The following ANGEL2 variants were observed in gnomAD, a reference collection of about 807,000 sequenced individuals.
ANGEL2 encodes the protein angel homolog 2, also known as RNA 2',3'-cyclic phosphatase ANGEL2.
Under a neutral mutation model 66.0 loss-of-function variants are expected in ANGEL2, and 41 were observed. The observed-to-expected ratio is 0.62, with a 90% CI of 0.48 to 0.81. ANGEL2 has a LOEUF of 0.81. Ranked by LOEUF, ANGEL2 falls within the 30% of genes least tolerant of loss-of-function variation. ANGEL2 has a pLI of 0.00. For synonymous variants in ANGEL2, 208 were observed against 226.5 expected (o/e 0.92, Z 0.73); for missense variants, 561 against 641.6 (o/e 0.87, Z 1.36).
chr1:213,013,276 A>G lies in ANGEL2; in HGVS notation c.202T>C (p.Tyr68His). The G allele has an allele frequency of 1.2e-6, 2 of 1,612,404 alleles. No homozygotes were observed. The highest frequency in any genetic ancestry group is 1.1e-5 in the South Asian group (1 of 91,078). ...AGTGAAAAATGCCTACTACTGAAGT[A>G]TGGGTAAGGAGCTCGAGAGTAATGT... is the stretch of plus-strand genomic sequence containing the variant. ...PGHYSRAPYP[Y>H]FSSRHFSLNW... is the part of the protein sequence containing the mutation. The change falls in exon 2 of 9, where the codon TAC becomes CAC. Residue 68 changes from tyrosine to histidine, a missense_variant. Tyr to His is a moderately conservative substitution (Grantham distance 83, BLOSUM62 2). Coordinates refer to ENST00000366962, the MANE Select transcript of ANGEL2 (RefSeq NM_144567.5).
chr1:213,011,226 C>A (rs944040742), intron 2 of ANGEL2: 1 of 1,289,168 alleles, frequency 7.8e-7, no homozygotes, highest in African/African-American at 1.5e-5. Context: ...TCAGGAGGAA[C>A]AAGGTGATCA....
In ANGEL2 at chr1:212,994,964, T is replaced by C; in HGVS notation, c.*77A>G. On this transcript the variant is annotated 3_prime_UTR_variant, in exon 9 of 9. Transcript: ENST00000366962. ...CTCCACAGTGCAAAAATAAACAACA[T>C]GCATACACTTAAGAACTTTACATTC... The C allele has an allele frequency of 7.4e-7, 1 of 1,353,726 alleles. No individual in the cohort carries two copies. Among genetic ancestry groups the C allele is most frequent in the Non-Finnish European group, 9.8e-7 (1 of 1,022,528 alleles). The allele number at this position is 1,353,726 out of a possible 1,614,324, so 83.9% of individuals were successfully genotyped here.
chr1:212,995,511 T>C (rs1275073391), intron 8 of ANGEL2, among the ~76,000 whole-genome samples: 1 of 152,220 alleles, frequency 6.6e-6, no homozygotes, highest in East Asian at 1.9e-4. Flanking sequence ...CAGCAACCAT[T>C]CTGTAGTTGC....
At chr1:213,013,002 AC>A (rs1457541396) in intron 2 of ANGEL2, 90 bp downstream of exon 2, 4 of 1,331,880 alleles carry the variant, frequency 3.0e-6, no homozygotes. Flanking sequence ...CACCTCTAAA[AC>A]CTTAGGAGGT....
At position 213,013,390 on chromosome 1, in the gene ANGEL2, T is replaced by C; in HGVS notation, c.88A>G (p.Ser30Gly). The C allele has an allele frequency of 1.2e-6, 2 of 1,613,694 alleles. No homozygotes were observed. The highest frequency in any genetic ancestry group is 1.7e-6 in the Non-Finnish European group (2 of 1,179,766). Reference sequence around the variant, plus strand: ...GGTGTAGTCCAGTCTCTGCCCAGACTCCTCGAGTGATGGGGAAACATGGGG... The same window carrying C: ...GGTGTAGTCCAGTCTCTGCCCAGACCCCTCGAGTGATGGGGAAACATGGGG... ...RYPMFPHHSR[S>G]LGRDWTTPWE... Residue 30 changes from serine to glycine, a missense_variant, in exon 2 of 9, where the codon AGT (serine) becomes GGT (glycine). Ser to Gly is a moderately conservative substitution (Grantham distance 56). Coordinates refer to ENST00000366962, the MANE Select transcript of ANGEL2 (RefSeq NM_144567.5).
intron 5 of ANGEL2, chr1:213,001,418 A>G (rs572366530): frequency 6.5e-6 from 1 of 153,452 alleles, no homozygotes; most frequent in East Asian, 1.9e-4. Context: ...TAATTTAAAA[A>G]TACTTCATTG....
chr1:213,014,424 TAAGTA>T (rs2076585635), intron 1 of ANGEL2, among the ~76,000 whole-genome samples: 1 of 152,362 alleles, frequency 6.6e-6, no homozygotes, highest in South Asian at 2.1e-4. Context: ...TTTTACAGTT[TAAGTA>T]TTCGCTAGTT....
intron 1 of ANGEL2, among the ~76,000 whole-genome samples, chr1:213,013,830 T>G (rs537565409): frequency 6.6e-6 from 1 of 152,312 alleles, no homozygotes; most frequent in East Asian, 1.9e-4. Flanking sequence ...ACACTACAAT[T>G]AAAGTAAACC....
chr1:213,008,054 G>C (rs1186689565), intron 3 of ANGEL2, among the ~76,000 whole-genome samples, 156 bp downstream of exon 3: 3 of 151,690 alleles, frequency 2.0e-5, no homozygotes, highest in Non-Finnish European at 4.4e-5. Context: ...AGTAGAGACG[G>C]GGTTTCTCCA....
At position 213,000,462 on chromosome 1, in the gene ANGEL2, T is replaced by C. The variant is rs559079696; in HGVS notation, c.1262-79A>G. On this transcript the variant is annotated intron_variant, in intron 6 of 8. Transcript: ENST00000366962. ...TCGTCATCTTACTCTAGAAACAATA[T>C]TTAAGACTTATCTAGGTTAGAAAGA... The C allele has an allele frequency of 9.4e-6, 12 of 1,274,800 alleles. No individual in the cohort carries two copies. The South Asian group carries it at 1.3e-4, about 14-fold the overall frequency. 79.0% of individuals were successfully genotyped at this position (1,274,800 alleles called of 1,614,324 possible).
chr1:213,002,968 G>T (rs1170735000), intron 5 of ANGEL2, among the ~76,000 whole-genome samples: 2 of 151,012 alleles, frequency 1.3e-5, no homozygotes, highest in South Asian at 2.1e-4. Flanking sequence ...CTTCATCAAT[G>T]ATCTTAGCTA....
chr1:213,011,538 G>C (rs1304998342), intron 2 of ANGEL2: 1 of 956,320 alleles, frequency 1.0e-6, no homozygotes, highest in Non-Finnish European at 1.3e-6. Flanking sequence ...ATCCATTAAG[G>C]GAAAACAACA....
intron 4 of ANGEL2, 72 bp from the exon 5 acceptor site, chr1:213,005,526 CT>C: frequency 7.2e-7 from 1 of 1,387,522 alleles, no homozygotes; most frequent in Middle Eastern, 1.9e-4. Context: ...TCACCTGATA[CT>C]TCTGAACAAT....
chr1:213,005,476 A>C (rs2076299482), intron 4 of ANGEL2, 22 bp from the exon 5 acceptor site: 1 of 1,542,042 alleles, frequency 6.5e-7, no homozygotes, highest in South Asian at 1.3e-5. Flanking sequence ...AAATGAATTT[A>C]AAACAAATGA....
At chr1:213,007,238 G>T in intron 3 of ANGEL2, 40 bp from the exon 4 acceptor site, 2 of 1,406,258 alleles carry the variant, frequency 1.4e-6, no homozygotes, top group African/African-American at 1.5e-5. Flanking sequence ...ACACAGAGAT[G>T]CAATCATGAA....
chr1:213,012,004 CAG>C (rs2076521831), intron 2 of ANGEL2, among the ~76,000 whole-genome samples: 1 of 152,212 alleles, frequency 6.6e-6, no homozygotes, highest in Non-Finnish European at 1.5e-5. Flanking sequence ...TATACACAAA[CAG>C]ATTTTCACTT....
At chr1:212,996,220 T>C (rs1159414036) in intron 8 of ANGEL2, among the ~76,000 whole-genome samples, 1 of 152,074 alleles carries the variant, frequency 6.6e-6, no homozygotes, top group African/African-American at 2.4e-5. Context: ...GGCAGGAGAA[T>C]GGTGTGAACC....
chr1:212,998,099 C>A (rs1329515103), intron 7 of ANGEL2, among the ~76,000 whole-genome samples: 1 of 151,792 alleles, frequency 6.6e-6, no homozygotes, highest in Non-Finnish European at 1.5e-5. Flanking sequence ...TAATATTAAA[C>A]ATAAAATAGG....
intron 1 of ANGEL2, 103 bp downstream of exon 1, chr1:213,015,510 C>G: frequency 2.7e-6 from 4 of 1,486,602 alleles, no homozygotes; most frequent in Non-Finnish European, 3.6e-6. Context: ...TTCCTTCCAC[C>G]CCTAGCCCGC....
Sources: gnomAD v4.1 joint callset for allele counts (sites outside exome capture counted in the v4.1 genomes callset) on GRCh38, gnomAD v4.1.1 for gene constraint, MANE v1.5 for transcripts, NCBI Gene and HGNC (gene_info 2026-07-23, HGNC 2026-07-21) for gene names.